RPS24: variants seen among roughly 807,000 people sequenced by gnomAD.
The protein encoded by RPS24 is ribosomal protein S24, also known as small ribosomal subunit protein eS24.
For missense variants in RPS24, 100 were observed against 162.5 expected (o/e 0.62, Z 2.09); for synonymous variants, 72 against 55.6 (o/e 1.30, Z -1.31).
chr10:78,045,588 T>G (rs146311727), downstream of RPS24, among the ~76,000 whole-genome samples: 1,989 of 152,116 alleles, frequency 0.013, 51 homozygotes, highest in African/African-American at 0.046. Flanking sequence ...TTCAAGCGAT[T>G]CTCCTGCCTC....
chr10:78,051,962 A>G (rs961960500), intron 4 of RPS24, among the ~76,000 whole-genome samples: 5 of 152,136 alleles, frequency 3.3e-5, no homozygotes, highest in Admixed American at 3.3e-4. Flanking sequence ...CAAATCTCTT[A>G]TCAGATATAT....
chr10:78,040,061 A>G (rs572587829), intron 4 of RPS24, 143 bp from the exon 5 acceptor site: 76 of 770,650 alleles, frequency 9.9e-5, no homozygotes, highest in South Asian at 8.9e-4. Context: ...TCTGTATACA[A>G]TTGCAAAGAA....
rs569993486 is a variant in RPS24 at position 78,038,006 on chromosome 10, T to TG, written c.390+706dup. 791 of 1,271,592 alleles carry TG rather than the reference T, an allele frequency of 6.2e-4. 11 individuals carry two copies. The South Asian group carries it at 9.0e-3, about 14-fold the overall frequency. 78.8% of individuals were successfully genotyped at this position (1,271,592 alleles called of 1,614,324 possible). Reference sequence around the variant, plus strand: ...AGGTACTGAGATTGTAAGCACGGTGTGGGGATGCATCACCTTCACTGAGTT... The same window carrying TG: ...AGGTACTGAGATTGTAAGCACGGTGTGGGGGATGCATCACCTTCACTGAGTT... On this transcript the variant is annotated intron_variant, in intron 4 of 5. Transcript: ENST00000372360.
rs151151910 is a variant in RPS24, at chr10:78,047,405, A to G, written c.391-7126A>G. On this transcript the variant is annotated intron_variant, in intron 4 of 4. Transcript: ENST00000440692. ...GTAGGACAGTGCTGTAGACTGCCCC[A>G]TCCCTGCCTTTTCACTTGGTGAAAT... 1.8e-4 allele frequency among the ~76,000 whole-genome samples: 27 copies of G among 152,216 alleles called. No homozygotes were observed. In the East Asian group the frequency reaches 5.2e-3, roughly 29 times the overall value.
At chr10:78,039,831 C>A in intron 4 of RPS24, 1 of 308,444 alleles carries the variant, frequency 3.2e-6, no homozygotes, top group Non-Finnish European at 6.2e-6. Context: ...GTAACTGTTC[C>A]TGGTGTGTGT....
At chr10:78,040,862 G>C (rs988898398), downstream of RPS24, 6 of 598,160 alleles carry the variant, frequency 1.0e-5, no homozygotes, top group Non-Finnish European at 1.8e-5. Context: ...GCTTAGGTGG[G>C]TTCATCTGGG....
chr10:78,040,507 C>T, intron 5 of RPS24, 108 bp from the exon 6 acceptor site: 1 of 847,120 alleles, frequency 1.2e-6, no homozygotes, highest in Non-Finnish European at 2.1e-6. Context: ...ACTTGATATT[C>T]TAGGTTACTA....
downstream of RPS24, among the ~76,000 whole-genome samples, chr10:78,044,761 A>G (rs905992974): frequency 1.3e-5 from 2 of 149,764 alleles, no homozygotes; most frequent in Non-Finnish European, 3.0e-5. Context: ...CGGAGAATAA[A>G]TCAGGGAGGA....
intron 3 of RPS24, 199 bp downstream of exon 3, chr10:78,035,919 A>G (rs1265446043): frequency 1.0e-5 from 6 of 593,286 alleles, no homozygotes; most frequent in Non-Finnish European, 1.5e-5. Flanking sequence ...AGCTGAGTTC[A>G]GAAGGGCAGC....
exon 5 of RPS24, chr10:78,056,018 TG>T (rs1848146688): frequency 6.6e-6 from 1 of 152,366 alleles, no homozygotes; most frequent in South Asian, 2.1e-4. Flanking sequence ...CCCAACGTGC[TG>T]GGATTACAGG....
Position 78,033,884 on chromosome 10 carries a change from T to A in RPS24, c.-18T>A. ...GGTTCTCTTTTCCTCCTTGGCTGTCTGAAGATAGATCGCCATCATGGTGAG... is the reference window on the plus strand; with the variant it reads ...GGTTCTCTTTTCCTCCTTGGCTGTCAGAAGATAGATCGCCATCATGGTGAG... On this transcript the variant is annotated 5_prime_UTR_variant, in exon 1 of 6. Coordinates refer to ENST00000372360, the MANE Select transcript of RPS24 (RefSeq NM_033022.4). 1 of 1,614,100 alleles carries A rather than the reference T, an allele frequency of 6.2e-7. No homozygotes were observed. The highest frequency in any genetic ancestry group is 1.7e-5 in the Admixed American group (1 of 60,032).
intron 4 of RPS24, chr10:78,037,925 T>TTTG: frequency 1.2e-6 from 1 of 841,012 alleles, no homozygotes; most frequent in Non-Finnish European, 1.6e-6. Context: ...TTTTTTTTTT[T>TTTG]GCTTTTCCTC....
chr10:78,037,911 T>C, intron 4 of RPS24: 1 of 895,872 alleles, frequency 1.1e-6, no homozygotes, highest in South Asian at 1.7e-5. Flanking sequence ...ACTTTTTTTT[T>C]TTTTTTTTTT....
intron 4 of RPS24, among the ~76,000 whole-genome samples, chr10:78,050,947 T>G (rs1193262305): frequency 2.0e-5 from 3 of 152,150 alleles, no homozygotes; most frequent in Non-Finnish European, 4.4e-5. Context: ...TCCCTGCACT[T>G]TGGGAGGCTG....
At chr10:78,043,299 G>C (rs1259133536), downstream of RPS24, among the ~76,000 whole-genome samples, 1 of 152,106 alleles carries the variant, frequency 6.6e-6, no homozygotes, top group Non-Finnish European at 1.5e-5. Context: ...CACCGTGCCC[G>C]GCCTAATCTG....
chr10:78,046,722 A>G (rs1411599958), intron 4 of RPS24, among the ~76,000 whole-genome samples: 3 of 152,188 alleles, frequency 2.0e-5, no homozygotes, highest in Non-Finnish European at 4.4e-5. Flanking sequence ...TGAGGCTCAA[A>G]GAGGTTAAGG....
chr10:78,043,657 A>G (rs1848011498), downstream of RPS24, among the ~76,000 whole-genome samples: 1 of 152,232 alleles, frequency 6.6e-6, no homozygotes, highest in African/African-American at 2.4e-5. Context: ...GCTCTGAGGT[A>G]GTTAATGACG....
chr10:78,054,096 C>T (rs1848127440), intron 4 of RPS24, among the ~76,000 whole-genome samples: 1 of 152,022 alleles, frequency 6.6e-6, no homozygotes, highest in African/African-American at 2.4e-5. Context: ...GGGTGCTCCT[C>T]AAGATCCTAA....
At chr10:78,034,017 C>T (rs1321390764) in intron 1 of RPS24, 113 bp downstream of exon 1, 13 of 1,344,416 alleles carry the variant, frequency 9.7e-6, no homozygotes, top group South Asian at 3.5e-5. Flanking sequence ...CTTCTCTGGC[C>T]GTTTCTGTCA....
Sources: allele counts gnomAD v4.1 joint callset (sites outside exome capture counted in the v4.1 genomes callset), GRCh38; gene constraint gnomAD v4.1.1; transcripts MANE v1.5; gene names NCBI Gene and HGNC (gene_info 2026-07-23, HGNC 2026-07-21).